The following CRYBA4 variants were observed in gnomAD, a reference collection of about 807,000 sequenced individuals.
CRYBA4 encodes the protein beta-crystallin A4.
In CRYBA4, 30 loss-of-function variants were observed where a neutral mutation model predicts 31.7. The observed-to-expected ratio is 0.95, with a 90% CI of 0.71 to 1.28. The LOEUF (loss-of-function observed/expected upper bound fraction) is 1.28. Ranked by LOEUF, CRYBA4 falls within the 50% of genes most tolerant of loss-of-function variation. CRYBA4 has a pLI of 0.00. For missense variants in CRYBA4, 225 were observed against 260.7 expected (o/e 0.86, Z 0.94); for synonymous variants, 102 against 102.3 (o/e 1.00, Z 0.02).
chr22:26,625,289 C>T lies in CRYBA4; in HGVS notation c.159-192C>T, dbSNP rs192225729. Among the ~76,000 whole-genome samples the T allele has an allele frequency of 1.6e-4, 25 of 152,232 alleles. 1 individual carries two copies. The East Asian group carries it at 4.3e-3, about 26-fold the overall frequency. ...TTTAGTGGTATCCCTGGCCTCTACCCGATAGATGGCCTTCGCAGTCCCTCC... is the reference window on the plus strand; with the variant it reads ...TTTAGTGGTATCCCTGGCCTCTACCTGATAGATGGCCTTCGCAGTCCCTCC... On this transcript the variant is annotated intron_variant, in intron 3 of 5. Coordinates refer to ENST00000354760, the MANE Select transcript of CRYBA4 (RefSeq NM_001886.3).
the CRYBA4 span, among the ~76,000 whole-genome samples, chr22:26,605,241 G>T: frequency 6.6e-6 from 1 of 152,190 alleles, no homozygotes; most frequent in South Asian, 2.1e-4. Context: ...ACCTACCACA[G>T]TTTGCAATTG....
At chr22:26,626,451 A>G (rs899060756) in intron 4 of CRYBA4, among the ~76,000 whole-genome samples, 1 of 152,178 alleles carries the variant, frequency 6.6e-6, no homozygotes, top group Non-Finnish European at 1.5e-5. Flanking sequence ...AAACACAAAA[A>G]CAACAAAGTG....
the CRYBA4 span, among the ~76,000 whole-genome samples, chr22:26,608,592 T>C: frequency 1.3e-5 from 2 of 152,230 alleles, no homozygotes; most frequent in South Asian, 2.1e-4. Context: ...CTTTTACTTA[T>C]AGGAAATAAT....
At chr22:26,598,699 T>C in the CRYBA4 span, among the ~76,000 whole-genome samples, 1 of 152,218 alleles carries the variant, frequency 6.6e-6, no homozygotes, top group African/African-American at 2.4e-5. Context: ...GATTGCTTTC[T>C]ATGTATATGA....
the CRYBA4 span, among the ~76,000 whole-genome samples, chr22:26,615,439 T>C: frequency 2.0e-5 from 3 of 152,296 alleles, no homozygotes; most frequent in African/African-American, 7.2e-5. Flanking sequence ...TTGCCAGGTG[T>C]CCCTTCAGCT....
At position 26,625,573 on chromosome 22, in the gene CRYBA4, C is replaced by A. The variant is rs4277; in HGVS notation, c.251C>A (p.Thr84Lys). 6.2e-7 allele frequency: 1 copy of A among 1,613,786 alleles called. No individual in the cohort carries two copies. Among genetic ancestry groups the A allele is most frequent in the Non-Finnish European group, 8.5e-7 (1 of 1,179,938 alleles). Residue 84 changes from threonine to lysine, a missense_variant, in exon 4 of 6, where the codon ACG (threonine) becomes AAG (lysine). Physicochemically the swap from Thr to Lys is moderately conservative, Grantham distance 78. Coordinates refer to ENST00000354760, the MANE Select transcript of CRYBA4 (RefSeq NM_001886.3). Reference sequence around the variant, plus strand: ...AGCTGGGATGCCTGGGGCGGCAACACGGCCTACCCCGCCGAGAGGCTCACC... The same window carrying A: ...AGCTGGGATGCCTGGGGCGGCAACAAGGCCTACCCCGCCGAGAGGCTCACC... The part of the protein sequence containing the change: ...YPSWDAWGGN[T>K]AYPAERLTSF...
chr22:26,624,463 G>C (rs984499704), intron 3 of CRYBA4, among the ~76,000 whole-genome samples: 2 of 152,246 alleles, frequency 1.3e-5, no homozygotes, highest in Non-Finnish European at 2.9e-5. Context: ...TGGATAGAAG[G>C]TTGTAGAAGT....
the CRYBA4 span, chr22:26,612,032 C>T: frequency 7.0e-7 from 1 of 1,437,514 alleles, no homozygotes. Context: ...GGTCATTTTA[C>T]TGTGGCAGAG....
the CRYBA4 span, among the ~76,000 whole-genome samples, chr22:26,609,284 G>T: frequency 6.6e-6 from 1 of 152,214 alleles, no homozygotes; most frequent in Non-Finnish European, 1.5e-5. Context: ...CCACACTGGA[G>T]TAAATTAAAG....
chr22:26,621,159 G>A (rs964928929), upstream of CRYBA4, among the ~76,000 whole-genome samples: 1 of 152,168 alleles, frequency 6.6e-6, no homozygotes, highest in Admixed American at 6.5e-5. Flanking sequence ...TACAAGTCCT[G>A]GATATTTGGC....
At chr22:26,599,148 A>G in the CRYBA4 span, 1 of 316,310 alleles carries the variant, frequency 3.2e-6, no homozygotes, top group Non-Finnish European at 6.0e-6. Flanking sequence ...CTTACCTAGT[A>G]TCCTTGGACA....
intron 3 of CRYBA4, 21 bp downstream of exon 3, chr22:26,623,373 A>G (rs1262440260): frequency 1.9e-6 from 3 of 1,588,802 alleles, no homozygotes; most frequent in Non-Finnish European, 2.6e-6. Context: ...GGGGACACTG[A>G]GTTGGGGTAG....
At chr22:26,614,553 C>T in the CRYBA4 span, among the ~76,000 whole-genome samples, 1 of 152,184 alleles carries the variant, frequency 6.6e-6, no homozygotes, top group Non-Finnish European at 1.5e-5. Flanking sequence ...AAGAGATGGT[C>T]ACGCTCTGAA....
chr22:26,609,190 G>T, the CRYBA4 span, among the ~76,000 whole-genome samples: 2 of 152,326 alleles, frequency 1.3e-5, no homozygotes, highest in Admixed American at 6.5e-5. Flanking sequence ...TCCCCAGAAG[G>T]AGACAAGGAT....
At chr22:26,599,853 G>T in the CRYBA4 span, among the ~76,000 whole-genome samples, 1 of 152,230 alleles carries the variant, frequency 6.6e-6, no homozygotes, top group African/African-American at 2.4e-5. Flanking sequence ...TCTCTGATAG[G>T]CCTCGGTTTC....
chr22:26,625,401 C>A, intron 3 of CRYBA4, 80 bp from the exon 4 acceptor site: 1 of 1,521,244 alleles, frequency 6.6e-7, no homozygotes, highest in Non-Finnish European at 9.0e-7. Context: ...TGACTGTGAC[C>A]GTTCTAGACC....
chr22:26,627,269 G>C (rs1929728092), intron 4 of CRYBA4, among the ~76,000 whole-genome samples: 1 of 151,200 alleles, frequency 6.6e-6, no homozygotes, highest in African/African-American at 2.4e-5. Context: ...TAGCAGGAAG[G>C]ATTTGAGATG....
At chr22:26,597,543 T>C in the CRYBA4 span, among the ~76,000 whole-genome samples, 1 of 152,210 alleles carries the variant, frequency 6.6e-6, no homozygotes, top group African/African-American at 2.4e-5. Context: ...CTATTCTCCA[T>C]CAAGCAAGCT....
At chr22:26,614,962 G>C in the CRYBA4 span, among the ~76,000 whole-genome samples, 2 of 152,168 alleles carry the variant, frequency 1.3e-5, no homozygotes, top group Admixed American at 1.3e-4. Flanking sequence ...AGTATTTCCT[G>C]GAGTTGGGGA....
Sources: gnomAD v4.1 joint callset for allele counts (sites outside exome capture counted in the v4.1 genomes callset) on GRCh38, gnomAD v4.1.1 for gene constraint, MANE v1.5 for transcripts, NCBI Gene and HGNC (gene_info 2026-07-23, HGNC 2026-07-21) for gene names.